Variants in SPHKAP observed in about 807,000 individuals in gnomAD.
SPHKAP encodes the protein A-kinase anchor protein SPHKAP.
A neutral mutation model predicts 137.5 loss-of-function variants in SPHKAP; 67 were observed. That is an observed-to-expected ratio of 0.49 (90% CI 0.40 to 0.60). SPHKAP has a LOEUF of 0.60. Ranked by LOEUF, SPHKAP falls within the 20% of genes least tolerant of loss-of-function variation. The probability of loss-of-function intolerance (pLI) is 0.00; values close to 1 mark genes in which losing one functional copy is unlikely to be tolerated. For missense variants in SPHKAP, 2,097 were observed against 2,069.3 expected (o/e 1.01, Z -0.26); for synonymous variants, 813 against 785.3 (o/e 1.04, Z -0.59).
intron 1 of SPHKAP, among the ~76,000 whole-genome samples, chr2:228,170,621 C>CT (rs1559213252): frequency 2.0e-5 from 3 of 152,032 alleles, no homozygotes; most frequent in East Asian, 1.9e-4. Flanking sequence ...ATCATTACCA[C>CT]TTTTTTAATA....
At chr2:228,129,707 T>C (rs66765674) in intron 2 of SPHKAP, among the ~76,000 whole-genome samples, 51,761 of 151,368 alleles carry the variant, frequency 0.34, 9,114 homozygotes, top group East Asian at 0.5. Context: ...TATAAATATA[T>C]ACATTTAAAC....
chr2:228,118,596 T>C (rs1698797511), intron 2 of SPHKAP, among the ~76,000 whole-genome samples: 1 of 152,162 alleles, frequency 6.6e-6, no homozygotes, highest in South Asian at 2.1e-4. Flanking sequence ...TTCTTTGCGG[T>C]TTGTTTTACT....
intron 3 of SPHKAP, among the ~76,000 whole-genome samples, chr2:228,054,192 T>C (rs1696357807): frequency 6.6e-6 from 1 of 152,084 alleles, no homozygotes; most frequent in Admixed American, 6.6e-5. Context: ...GTGGAGAGGA[T>C]TTGATTATCA....
At chr2:228,102,924 G>T (rs944725198) in intron 3 of SPHKAP, among the ~76,000 whole-genome samples, 2 of 152,138 alleles carry the variant, frequency 1.3e-5, no homozygotes, top group African/African-American at 4.8e-5. Flanking sequence ...AAAATATTTT[G>T]TAGAGATGGG....
chr2:228,003,527 C>A (rs1188611670), intron 7 of SPHKAP, among the ~76,000 whole-genome samples: 1 of 152,164 alleles, frequency 6.6e-6, no homozygotes, highest in Non-Finnish European at 1.5e-5. Context: ...AATTTGACTT[C>A]CTCTTTTCCT....
chr2:228,029,623 A>T (rs34284590), intron 3 of SPHKAP, among the ~76,000 whole-genome samples: 2 of 151,940 alleles, frequency 1.3e-5, no homozygotes, highest in Non-Finnish European at 2.9e-5. Flanking sequence ...AATAGGAAGA[A>T]ATTGGCATGA....
chr2:227,995,376 T>C, intron 8 of SPHKAP, 133 bp downstream of exon 8: 2 of 1,028,354 alleles, frequency 1.9e-6, no homozygotes, highest in Admixed American at 2.0e-5. Context: ...CCCCTCGACA[T>C]AGTGGGAACT....
At chr2:228,099,880 C>T (rs998630493) in intron 3 of SPHKAP, among the ~76,000 whole-genome samples, 4 of 150,992 alleles carry the variant, frequency 2.6e-5, no homozygotes, top group Admixed American at 6.6e-5. Context: ...GATGGAATCT[C>T]GCTCTGTGGC....
intron 11 of SPHKAP, among the ~76,000 whole-genome samples, chr2:227,983,078 T>G (rs1450105310): frequency 2.0e-5 from 3 of 152,202 alleles, no homozygotes; most frequent in African/African-American, 7.2e-5. Flanking sequence ...CAGTTACTAT[T>G]TCTTCAATTT....
At chr2:228,163,636 C>T (rs995073525) in intron 1 of SPHKAP, among the ~76,000 whole-genome samples, 2 of 152,150 alleles carry the variant, frequency 1.3e-5, no homozygotes, top group African/African-American at 4.8e-5. Context: ...AGTATTTCCA[C>T]CTCCCTTGCT....
At chr2:228,070,528 G>A (rs1207410599) in intron 3 of SPHKAP, among the ~76,000 whole-genome samples, 1 of 151,848 alleles carries the variant, frequency 6.6e-6, no homozygotes, top group African/African-American at 2.4e-5. Flanking sequence ...TCCTAGAGGG[G>A]TCCATGTCAT....
chr2:228,092,457 CATATATGTGCCATATATATGTAT>C (rs1559169313), intron 3 of SPHKAP, among the ~76,000 whole-genome samples: 338 of 9,548 alleles, frequency 0.035, 20 homozygotes, highest in African/African-American at 0.12. Context: ...TATATGTATA[CATATATGTGCCATATATATGTAT>C]ACATATATGT....
At chr2:228,143,773 C>T (rs1397152084) in intron 1 of SPHKAP, among the ~76,000 whole-genome samples, 1 of 151,182 alleles carries the variant, frequency 6.6e-6, no homozygotes, top group African/African-American at 2.4e-5. Flanking sequence ...CCCAAAGTGC[C>T]GGGATTACAA....
At chr2:228,024,773 C>G (rs1310401200) in intron 5 of SPHKAP, among the ~76,000 whole-genome samples, 2 of 149,082 alleles carry the variant, frequency 1.3e-5, no homozygotes, top group Non-Finnish European at 2.9e-5. Flanking sequence ...ATTAATTAAA[C>G]AATTTTACTT....
At chr2:228,014,141 A>G (rs1011928701) in intron 7 of SPHKAP, among the ~76,000 whole-genome samples, 1 of 152,206 alleles carries the variant, frequency 6.6e-6, no homozygotes, top group African/African-American at 2.4e-5. Flanking sequence ...GACAATTGCT[A>G]TTTGATCTCA....
intron 5 of SPHKAP, 56 bp from the exon 6 acceptor site, chr2:228,022,022 G>T (rs1694861459): frequency 6.7e-6 from 10 of 1,499,558 alleles, no homozygotes; most frequent in Non-Finnish European, 8.9e-6. Context: ...AAAGACTATT[G>T]CCTCTGAGCT....
chr2:228,166,667 G>T (rs1202012521), intron 1 of SPHKAP, among the ~76,000 whole-genome samples: 1 of 152,012 alleles, frequency 6.6e-6, no homozygotes, highest in Admixed American at 6.6e-5. Context: ...AAATACTGAG[G>T]AAAATGTTAT....
rs971286338 is a variant in SPHKAP at position 227,981,637 on chromosome 2, T to C, written c.*80A>G. ...CTAATGTGATGTGATGTTTTGAGAA[T>C]GTTTAGAGCATTTAGAACAAACCAC... On this transcript the variant is annotated 3_prime_UTR_variant, in exon 12 of 12. Transcript: ENST00000392056. The C allele has an allele frequency of 2.7e-6, 4 of 1,489,264 alleles. No homozygotes were observed. The highest frequency in any genetic ancestry group is 2.8e-5 in the African/African-American group (2 of 70,208). The allele number at this position is 1,489,264 out of a possible 1,614,324, so 92.3% of individuals were successfully genotyped here.
intron 3 of SPHKAP, among the ~76,000 whole-genome samples, chr2:228,098,257 T>C (rs1372628833): frequency 6.6e-6 from 1 of 152,230 alleles, no homozygotes; most frequent in African/African-American, 2.4e-5. Context: ...TTTTTTCATA[T>C]ATTTGTTGGC....
Sources: allele counts gnomAD v4.1 joint callset (sites outside exome capture counted in the v4.1 genomes callset), GRCh38; gene constraint gnomAD v4.1.1; transcripts MANE v1.5; gene names NCBI Gene and HGNC (gene_info 2026-07-23, HGNC 2026-07-21).